The following PLG variants were observed in gnomAD, a reference collection of about 807,000 sequenced individuals.
PLG encodes plasmin.
PLG carries 41 observed loss-of-function variants against 104.4 expected under a neutral mutation model. The observed-to-expected ratio is 0.39, with a 90% CI of 0.31 to 0.51. PLG has a LOEUF of 0.51. Ranked by LOEUF, PLG falls within the 20% of genes least tolerant of loss-of-function variation. The probability of loss-of-function intolerance (pLI) is 0.76; values close to 1 mark genes in which losing one functional copy is unlikely to be tolerated. For missense variants in PLG, 891 were observed against 1,003.6 expected, an observed-to-expected ratio of 0.89 and a Z score of 1.52; for synonymous variants, 337 against 357.1, an observed-to-expected ratio of 0.94 and a Z score of 0.63.
chr6:160,731,119 C>A lies in PLG; in HGVS notation c.1325C>A (p.Pro442His), dbSNP rs1169384520. The change falls in exon 11 of 19, where the codon CCC becomes CAC. Residue 442 changes from proline (P) to histidine (H), a missense_variant. This residue lies in a region of PLG where 854 missense variants were observed against 932.1 expected (regional missense o/e 0.92). Transcript: ENST00000308192. This position sits in a 1 kb window ranked among gnomAD's most constrained non-coding sequence, Gnocchi z 5.1. ...GGCCCCTGGTGTTTTACCACAGACC[C>A]CAGCGTCAGGTGGGAGTACTGCAAC... ...DKGPWCFTTD[P>H]SVRWEYCNLK... 1 of 1,613,990 alleles carries A rather than the reference C, an allele frequency of 6.2e-7. No homozygotes were observed. The highest frequency in any genetic ancestry group is 1.1e-5 in the South Asian group (1 of 91,076).
chr6:160,710,483 C>T (rs1325497303), intron 3 of PLG, among the ~76,000 whole-genome samples: 4 of 151,854 alleles, frequency 2.6e-5, no homozygotes, highest in Middle Eastern at 3.2e-3. Context: ...GGAGAGGGCC[C>T]GTTGTCTAAC....
chr6:160,739,526 C>T lies in PLG; in HGVS notation c.2018+318C>T, dbSNP rs918799076. Among the ~76,000 whole-genome samples, 1 of 152,166 alleles carries T rather than the reference C, an allele frequency of 6.6e-6. No individual in the cohort carries two copies. Among genetic ancestry groups the T allele is most frequent in the Non-Finnish European group, 1.5e-5 (1 of 68,034 alleles). The stretch of plus-strand genomic sequence containing the variant: ...CAGAGAACGATTCAGTTATTCCAGG[C>T]TGACAATTCCCCCTTCATCATAATA... On this transcript the variant is annotated intron_variant, in intron 16 of 18. Transcript: ENST00000308192. This position sits in a 1 kb window ranked among gnomAD's most constrained non-coding sequence, Gnocchi z 4.4.
chr6:160,718,770 G>C lies in PLG; in HGVS notation c.1028G>C (p.Arg343Pro). 6.2e-7 allele frequency: 1 copy of C among 1,613,530 alleles called. No homozygotes were observed. The highest frequency in any genetic ancestry group is 8.5e-7 in the Non-Finnish European group (1 of 1,179,524). The change falls in exon 9 of 19, where the codon CGG becomes CCG. Residue 343 changes from arginine to proline, a missense_variant. Arg to Pro is a moderately radical substitution (Grantham distance 103). Transcript: ENST00000308192. The part of the protein sequence containing the change: ...PWCHTTNSQV[R>P]WEYCKIPSCD... ...TGCCATACAACCAACAGCCAAGTGC[G>C]GTGGGAGTACTGTAAGATACCGTCC...
intron 17 of PLG, among the ~76,000 whole-genome samples, chr6:160,751,691 T>C (rs887782080): frequency 1.3e-5 from 2 of 152,174 alleles, no homozygotes; most frequent in Admixed American, 6.5e-5. Context: ...CATAGCATTA[T>C]ACAAAACTCA....
At chr6:160,730,489 G>A (rs1777983025) in intron 10 of PLG, among the ~76,000 whole-genome samples, 2 of 152,162 alleles carry the variant, frequency 1.3e-5, no homozygotes, top group Non-Finnish European at 2.9e-5. Context: ...TATTTTTCGT[G>A]GTTGTTTTTC....
chr6:160,707,287 G>A (rs890164372), intron 2 of PLG, among the ~76,000 whole-genome samples: 1 of 152,188 alleles, frequency 6.6e-6, no homozygotes, highest in African/African-American at 2.4e-5. Context: ...GGGGTCAGGG[G>A]CCAGGGTGGG....
chr6:160,724,916 A>C lies in PLG; in HGVS notation c.1256+2349A>C, dbSNP rs779882497. On this transcript the variant is annotated intron_variant, in intron 10 of 18. Transcript: ENST00000308192. The surrounding 1 kb of genome is among the most constrained non-coding windows in gnomAD (Gnocchi z 5.0). Reference sequence around the variant, plus strand: ...TATACTAAGTAATGAAGAACCCTGGAAATGGCAAATGTAAAAGATTCATAT... The same window carrying C: ...TATACTAAGTAATGAAGAACCCTGGCAATGGCAAATGTAAAAGATTCATAT... Among the ~76,000 whole-genome samples the C allele has an allele frequency of 2.2e-4, 34 of 152,224 alleles. No homozygotes were observed. The highest frequency in any genetic ancestry group is 7.3e-5 in the Non-Finnish European group (5 of 68,042).
rs369715307 is a variant in PLG, at chr6:160,714,858, G to A, written c.612G>A (p.Leu204=). ...AAATTTCCAAGACCATGTCTGGACT[G>A]GAATGCCAGGCCTGGGACTCTCAGA... The part of the protein sequence containing the change: ...DGKISKTMSG[L]ECQAWDSQSP... Residue 204 remains leucine (L), a synonymous_variant, in exon 6 of 19, where the codon CTG becomes CTA. Transcript: ENST00000308192. The A allele has an allele frequency of 1.7e-5, 28 of 1,612,700 alleles. No individual in the cohort carries two copies. Among genetic ancestry groups the A allele is most frequent in the Non-Finnish European group, 2.3e-5 (27 of 1,178,828 alleles).
At chr6:160,745,547 C>T (rs551394552) in intron 17 of PLG, among the ~76,000 whole-genome samples, 1 of 152,158 alleles carries the variant, frequency 6.6e-6, no homozygotes, top group Admixed American at 6.5e-5. Flanking sequence ...GGTGTCATTA[C>T]ATGTGAGATG....
rs1271715902 is a variant in PLG at position 160,719,304 on chromosome 6, G to A, written c.1096+466G>A. 6.6e-6 allele frequency among the ~76,000 whole-genome samples: 1 copy of A among 152,150 alleles called. No homozygotes were observed. The highest frequency in any genetic ancestry group is 1.5e-5 in the Non-Finnish European group (1 of 68,012). ...TTTAGGATGGTTATGTCTTCTAGATGAAAGGACCCCTTTATCTTTATGTAA... is the reference window on the plus strand; with the variant it reads ...TTTAGGATGGTTATGTCTTCTAGATAAAAGGACCCCTTTATCTTTATGTAA... On this transcript the variant is annotated intron_variant, in intron 9 of 18. Transcript: ENST00000308192. The surrounding 1 kb of genome is among the most constrained non-coding windows in gnomAD (Gnocchi z 4.1).
intron 9 of PLG, 145 bp downstream of exon 9, chr6:160,718,983 A>G: frequency 1.4e-6 from 1 of 737,026 alleles, no homozygotes; most frequent in Non-Finnish European, 2.3e-6. Context: ...CAGTTTTTTT[A>G]GATTTGTTGA....
chr6:160,751,361 C>T (rs1778396313), intron 17 of PLG, among the ~76,000 whole-genome samples: 1 of 152,168 alleles, frequency 6.6e-6, no homozygotes, highest in Non-Finnish European at 1.5e-5. Context: ...CCTCAGTTTC[C>T]TTAACAGTAG....
chr6:160,752,793 A>G lies in PLG; in HGVS notation c.2272-107A>G. 3.0e-6 allele frequency: 4 copies of G among 1,355,252 alleles called. No individual in the cohort carries two copies. The South Asian group carries it at 3.6e-5, about 12-fold the overall frequency. 84.0% of individuals were successfully genotyped at this position (1,355,252 alleles called of 1,614,324 possible). A position where few individuals can be genotyped will look rare whatever the true frequency, so the allele number is the denominator to read the frequency against. On this transcript the variant is annotated intron_variant, in intron 18 of 18. Transcript: ENST00000308192. This position sits in a 1 kb window ranked among gnomAD's most constrained non-coding sequence, Gnocchi z 4.7. ...TAATATGCTCATAAGTTCCTTTCTG[A>G]TTTCAATTACTGGGAAAATGTATAT...
In PLG at chr6:160,731,679, G is replaced by A. The variant is rs1288989149; in HGVS notation, c.1439-66G>A. ...CATCCTAGAGAAACCTGACATGACT[G>A]TATTGATTCCATATCATCCTGGGTC... On this transcript the variant is annotated intron_variant, in intron 11 of 18. Coordinates refer to ENST00000308192, the MANE Select transcript of PLG (RefSeq NM_000301.5). This position sits in a 1 kb window ranked among gnomAD's most constrained non-coding sequence, Gnocchi z 5.1. 4 of 1,472,712 alleles carry A rather than the reference G, an allele frequency of 2.7e-6. No individual in the cohort carries two copies. The highest frequency in any genetic ancestry group is 3.3e-5 in the Admixed American group (2 of 59,856). The allele number at this position is 1,472,712 out of a possible 1,614,324, so 91.2% of individuals were successfully genotyped here. A position where few individuals can be genotyped will look rare whatever the true frequency, so the allele number is the denominator to read the frequency against.
chr6:160,714,678 C>T (rs910566733), intron 5 of PLG, 116 bp from the exon 6 acceptor site: 19 of 934,684 alleles, frequency 2.0e-5, no homozygotes, highest in Admixed American at 2.0e-4. Context: ...TGAATTACAT[C>T]GGAATGAGAG....
chr6:160,740,032 G>A lies in PLG; in HGVS notation c.2018+824G>A, dbSNP rs1217989602. 6.6e-6 allele frequency among the ~76,000 whole-genome samples: 1 copy of A among 152,198 alleles called. No individual in the cohort carries two copies. Among genetic ancestry groups the A allele is most frequent in the Non-Finnish European group, 1.5e-5 (1 of 68,030 alleles). On this transcript the variant is annotated intron_variant, in intron 16 of 18. Coordinates refer to ENST00000308192, the MANE Select transcript of PLG (RefSeq NM_000301.5). This position sits in a 1 kb window ranked among gnomAD's most constrained non-coding sequence, Gnocchi z 5.2. ...TGTAGGAGAAGCAGGTTTGGGACAGGTGACAAGGCACGCAGGGCGCTCGCT... is the reference window on the plus strand; with the variant it reads ...TGTAGGAGAAGCAGGTTTGGGACAGATGACAAGGCACGCAGGGCGCTCGCT...
chr6:160,751,823 A>G (rs1382700178), intron 17 of PLG, among the ~76,000 whole-genome samples: 3 of 152,238 alleles, frequency 2.0e-5, no homozygotes, highest in Non-Finnish European at 4.4e-5. Context: ...CATTTTTCAG[A>G]CTCTACATTT....
Position 160,718,290 on chromosome 6 carries a change from C to A in PLG, c.788-4C>A. The A allele has an allele frequency of 1.2e-6, 2 of 1,612,378 alleles. No individual in the cohort carries two copies. Among genetic ancestry groups the A allele is most frequent in the Non-Finnish European group, 1.7e-6 (2 of 1,178,362 alleles). Reference sequence around the variant, plus strand: ...TTCATTGTAACTTATTTTGCCCATTCAAGCAACACCTCCACCATCTTCTGG... The same window carrying A: ...TTCATTGTAACTTATTTTGCCCATTAAAGCAACACCTCCACCATCTTCTGG... On this transcript the variant is annotated splice_polypyrimidine_tract_variant and splice_region_variant and intron_variant, in intron 7 of 18. Coordinates refer to ENST00000308192, the MANE Select transcript of PLG (RefSeq NM_000301.5).
intron 10 of PLG, among the ~76,000 whole-genome samples, chr6:160,728,839 A>G (rs931027091): frequency 1.3e-5 from 2 of 152,188 alleles, no homozygotes; most frequent in African/African-American, 2.4e-5. Context: ...CACAAACTTG[A>G]GGAAGGCAAA....
Sources: gnomAD v4.1 joint callset for allele counts (sites outside exome capture counted in the v4.1 genomes callset) on GRCh38, gnomAD v4.1.1 for gene constraint, gnomAD v4.1.1 regional missense constraint, Gnocchi (gnomAD v3.1) non-coding constraint, MANE v1.5 for transcripts, NCBI Gene and HGNC (gene_info 2026-07-23, HGNC 2026-07-21) for gene names.